MAPKAP1: variants seen among roughly 807,000 people sequenced by gnomAD.
MAPKAP1 encodes the protein target of rapamycin complex 2 subunit MAPKAP1.
Under a neutral mutation model 65.7 loss-of-function variants are expected in MAPKAP1, and 20 were observed. The observed-to-expected ratio is 0.30, with a 90% CI of 0.21 to 0.44. MAPKAP1 has a LOEUF of 0.44. Among genes scored for constraint, MAPKAP1 ranks in the 20% least tolerant of loss-of-function variants. The probability of loss-of-function intolerance (pLI) is 1.00; values close to 1 mark genes in which losing one functional copy is unlikely to be tolerated. For synonymous variants in MAPKAP1, 222 were observed against 244.3 expected, an observed-to-expected ratio of 0.91 and a Z score of 0.85; for missense variants, 423 against 648.0, an observed-to-expected ratio of 0.65 and a Z score of 3.77.
At position 125,542,418 on chromosome 9, in the gene MAPKAP1, AGTT is replaced by A. The variant is rs200478916; in HGVS notation, c.958+638_958+640del. Among the ~76,000 whole-genome samples the A allele has an allele frequency of 5.5e-3, 834 of 152,338 alleles. 3 individuals are homozygous for A. Among genetic ancestry groups the A allele is most frequent in the Non-Finnish European group, 8.1e-3 (551 of 68,032 alleles). On this transcript the variant is annotated intron_variant, in intron 7 of 11. Coordinates refer to ENST00000265960, the MANE Select transcript of MAPKAP1 (RefSeq NM_001006617.3). Reference sequence around the variant, plus strand: ...TCATATATGAGTTGATTTATATTAAAGTTGTCTGTGATATGACAAATCTTTGAG... The same window carrying A: ...TCATATATGAGTTGATTTATATTAAAGTCTGTGATATGACAAATCTTTGAG...
chr9:125,576,667 C>T (rs548947122), intron 5 of MAPKAP1, among the ~76,000 whole-genome samples: 158 of 152,382 alleles, frequency 1.0e-3, no homozygotes, highest in Admixed American at 3.4e-3. Flanking sequence ...TGCAGGCGCA[C>T]GCCGCCACAC....
intron 4 of MAPKAP1, among the ~76,000 whole-genome samples, chr9:125,633,128 G>T (rs1445419032): frequency 2.0e-5 from 3 of 152,214 alleles, no homozygotes; most frequent in African/African-American, 7.2e-5. Flanking sequence ...GCTGAAAAGA[G>T]AAGTCTATGA....
chr9:125,519,302 G>A (rs145038368), intron 7 of MAPKAP1, among the ~76,000 whole-genome samples: 1 of 152,292 alleles, frequency 6.6e-6, no homozygotes, highest in Non-Finnish European at 1.5e-5. Context: ...AGCAGGCAAA[G>A]GTGAAGAGGA....
intron 4 of MAPKAP1, among the ~76,000 whole-genome samples, chr9:125,649,117 T>C (rs1004778235): frequency 6.6e-6 from 1 of 152,124 alleles, no homozygotes. Flanking sequence ...CTGCAAACCA[T>C]GCAGAGCAAA....
chr9:125,491,613 C>CA (rs1854731536), intron 8 of MAPKAP1, among the ~76,000 whole-genome samples: 1 of 151,102 alleles, frequency 6.6e-6, no homozygotes. Context: ...CCCATCTCTA[C>CA]AAAAAATACA....
At chr9:125,484,367 G>A (rs1021813048) in intron 9 of MAPKAP1, 76 bp downstream of exon 9, 2 of 1,409,682 alleles carry the variant, frequency 1.4e-6, no homozygotes, top group Middle Eastern at 2.2e-4. Context: ...CATAAAAGTT[G>A]TATGTTGTTT....
intron 3 of MAPKAP1, among the ~76,000 whole-genome samples, chr9:125,659,171 T>G (rs182677402): frequency 6.6e-6 from 1 of 152,198 alleles, no homozygotes; most frequent in African/African-American, 2.4e-5. Flanking sequence ...ATGCTTACAA[T>G]TGGGAAAGAA....
At chr9:125,557,642 T>A (rs1332544149) in intron 6 of MAPKAP1, among the ~76,000 whole-genome samples, 1 of 147,096 alleles carries the variant, frequency 6.8e-6, no homozygotes, top group Non-Finnish European at 1.5e-5. Context: ...ATCATCAAAT[T>A]ACTTATTAAA....
intron 10 of MAPKAP1, 136 bp from the exon 11 acceptor site, chr9:125,444,734 G>T: frequency 1.7e-6 from 1 of 586,122 alleles, no homozygotes; most frequent in Non-Finnish European, 3.0e-6. Flanking sequence ...CCCAGGAGTA[G>T]TTCGTTTTCT....
chr9:125,456,064 T>A (rs556359416), intron 10 of MAPKAP1, among the ~76,000 whole-genome samples: 1 of 152,256 alleles, frequency 6.6e-6, no homozygotes, highest in Non-Finnish European at 1.5e-5. Context: ...TTTAGAGGCA[T>A]CATTCCATTG....
intron 3 of MAPKAP1, among the ~76,000 whole-genome samples, chr9:125,660,998 A>G (rs1311172462): frequency 6.6e-6 from 1 of 152,246 alleles, no homozygotes; most frequent in African/African-American, 2.4e-5. Flanking sequence ...AATAAAGGTC[A>G]ATATTCCTAA....
intron 1 of MAPKAP1, among the ~76,000 whole-genome samples, chr9:125,695,659 T>C (rs1294522971): frequency 6.6e-6 from 1 of 152,164 alleles, no homozygotes; most frequent in Non-Finnish European, 1.5e-5. Context: ...AGAGAATCAG[T>C]ATGCGCATTT....
At chr9:125,575,028 C>A (rs989369588) in intron 5 of MAPKAP1, among the ~76,000 whole-genome samples, 3 of 152,168 alleles carry the variant, frequency 2.0e-5, no homozygotes, top group Non-Finnish European at 4.4e-5. Flanking sequence ...GATGTTAACA[C>A]AATTTAGAGA....
chr9:125,438,901 A>G lies in MAPKAP1; in HGVS notation c.1555T>C (p.Ser519Pro). The change falls in exon 12 of 12, where the codon TCC (serine) becomes CCC (proline). Residue 519 changes from serine (S) to proline (P), a missense_variant. Physicochemically the swap from Ser to Pro is moderately conservative, Grantham distance 74. Coordinates refer to ENST00000265960, the MANE Select transcript of MAPKAP1 (RefSeq NM_001006617.3). Reference protein sequence around the residue: ...TSFSFQKEKKSGQQ With the variant: ...TSFSFQKEKKPGQQ Reference sequence around the variant, plus strand: ...GGAGGCCAGTGTCACTGCTGCCCGGATTTCTTCTCCTTCTGGAAGCTGAAG... The same window carrying G: ...GGAGGCCAGTGTCACTGCTGCCCGGGTTTCTTCTCCTTCTGGAAGCTGAAG... The G allele has an allele frequency of 1.2e-6, 2 of 1,614,074 alleles. No homozygotes were observed. Among genetic ancestry groups the G allele is most frequent in the Non-Finnish European group, 8.5e-7 (1 of 1,179,988 alleles).
At chr9:125,535,875 A>T (rs1430036689) in intron 7 of MAPKAP1, among the ~76,000 whole-genome samples, 1 of 152,202 alleles carries the variant, frequency 6.6e-6, no homozygotes, top group African/African-American at 2.4e-5. Flanking sequence ...ACCACCACAC[A>T]GCCTCTTGGG....
intron 7 of MAPKAP1, among the ~76,000 whole-genome samples, chr9:125,511,006 A>C (rs1829281887): frequency 1.3e-5 from 2 of 152,170 alleles, no homozygotes; most frequent in South Asian, 2.1e-4. Flanking sequence ...ACTTTGGGCC[A>C]ACTTAACCTC....
chr9:125,479,056 T>C (rs1313945465), intron 9 of MAPKAP1, among the ~76,000 whole-genome samples: 1 of 152,188 alleles, frequency 6.6e-6, no homozygotes, highest in African/African-American at 2.4e-5. Context: ...AGATTTTTCC[T>C]ACACCCCAGT....
chr9:125,499,152 T>C (rs1165034864), intron 8 of MAPKAP1, among the ~76,000 whole-genome samples: 4 of 152,192 alleles, frequency 2.6e-5, no homozygotes, highest in Non-Finnish European at 1.5e-5. Flanking sequence ...ACTGAGACAG[T>C]TCATTGACAG....
At chr9:125,599,512 C>A (rs564938727) in intron 4 of MAPKAP1, among the ~76,000 whole-genome samples, 5 of 152,194 alleles carry the variant, frequency 3.3e-5, no homozygotes, top group African/African-American at 1.2e-4. Flanking sequence ...ATGGAATAAG[C>A]CAGGCTATAA....
Sources: allele counts gnomAD v4.1 joint callset (sites outside exome capture counted in the v4.1 genomes callset), GRCh38; gene constraint gnomAD v4.1.1; transcripts MANE v1.5; gene names NCBI Gene and HGNC (gene_info 2026-07-23, HGNC 2026-07-21).